The following SRRM3 variants were observed in gnomAD, a reference collection of about 807,000 sequenced individuals.
SRRM3 encodes the protein serine/arginine repetitive matrix 3.
In SRRM3, 27 loss-of-function variants were observed where a neutral mutation model predicts 66.2. The ratio of observed to expected loss-of-function variants is 0.41; its 90% CI spans 0.30 to 0.56. The LOEUF (loss-of-function observed/expected upper bound fraction) is 0.56, where lower values mean the gene tolerates loss of function less well. Among genes scored for constraint, SRRM3 ranks in the 20% least tolerant of loss-of-function variants. SRRM3 has a pLI of 0.32. For missense variants in SRRM3, 918 were observed against 991.9 expected, an observed-to-expected ratio of 0.93 and a Z score of 1.00; for synonymous variants, 391 against 414.9, an observed-to-expected ratio of 0.94 and a Z score of 0.70.
intron 1 of SRRM3, among the ~76,000 whole-genome samples, chr7:76,232,233 G>T (rs148553768): frequency 6.6e-6 from 1 of 152,054 alleles, no homozygotes; most frequent in African/African-American, 2.4e-5. Flanking sequence ...CAACAACAGC[G>T]AGAACTCTGG....
At chr7:76,212,965 C>A (rs1182667969) in intron 1 of SRRM3, among the ~76,000 whole-genome samples, 2 of 150,782 alleles carry the variant, frequency 1.3e-5, no homozygotes, top group African/African-American at 4.9e-5. Flanking sequence ...CTCGAGGGCC[C>A]GGTGCTGCTT....
intron 2 of SRRM3, among the ~76,000 whole-genome samples, chr7:76,243,425 C>T (rs1044934413): frequency 3.9e-5 from 6 of 152,068 alleles, no homozygotes; most frequent in Admixed American, 6.6e-5. Flanking sequence ...AACAAGATAC[C>T]CTGGGGCACA....
chr7:76,285,729 C>T lies in SRRM3; in HGVS notation c.1848C>T (p.Ser616=), dbSNP rs1554612700. 1 of 1,550,646 alleles carries T rather than the reference C, an allele frequency of 6.4e-7. No individual in the cohort carries two copies. The highest frequency in any genetic ancestry group is 8.7e-7 in the Non-Finnish European group (1 of 1,146,770). Residue 616 remains serine (S), a synonymous_variant, in exon 15 of 15, where the codon AGC becomes AGT. Coordinates refer to ENST00000611745, the MANE Select transcript of SRRM3 (RefSeq NM_001110199.3). The surrounding 1 kb of genome is among the most constrained non-coding windows in gnomAD (Gnocchi z 4.1). ...GCCGCAGCCCCAGCCCCGGCCACAG[C>T]CACGGGAGCTACAGCAGTCGCAGCC... ...SHSRSPSPGH[S]HGSYSSRSHG...
At chr7:76,261,263 A>G in intron 6 of SRRM3, 89 bp from the exon 7 acceptor site, 2 of 852,762 alleles carry the variant, frequency 2.3e-6, no homozygotes, top group South Asian at 1.7e-5. Context: ...TTCCAGCTTC[A>G]ATGTCCCAAG....
chr7:76,281,312 T>TTCTGTC lies in SRRM3; in HGVS notation c.1009-113_1009-108dup, dbSNP rs1305532006. ...GTCTCTGTCTCTCCCTCTTTCCTCT[T>TTCTGTC]TCTGTCTCTGTCTCTGTCTCTTTCT... On this transcript the variant is annotated intron_variant, in intron 11 of 14. Coordinates refer to ENST00000611745, the MANE Select transcript of SRRM3 (RefSeq NM_001110199.3). 1.3e-5 allele frequency: 8 copies of TTCTGTC among 608,764 alleles called. No homozygotes were observed. The African/African-American group carries it at 1.6e-4, about 12-fold the overall frequency. The allele number at this position is 608,764 out of a possible 1,614,324, so 37.7% of individuals were successfully genotyped here.
At chr7:76,276,461 A>G (rs1461542691) in intron 11 of SRRM3, among the ~76,000 whole-genome samples, 1 of 152,150 alleles carries the variant, frequency 6.6e-6, no homozygotes, top group Non-Finnish European at 1.5e-5. Flanking sequence ...GGAAGGAACC[A>G]GGTTCTATGG....
intron 11 of SRRM3, among the ~76,000 whole-genome samples, chr7:76,277,628 G>A (rs943963041): frequency 4.6e-5 from 7 of 151,440 alleles, no homozygotes; most frequent in Non-Finnish European, 8.8e-5. Context: ...AACCTGGCAG[G>A]TGGAGGTTAC....
At position 76,211,819 on chromosome 7, in the gene SRRM3, T is replaced by C. The variant is rs781870710; in HGVS notation, c.-40+9752T>C. Among the ~76,000 whole-genome samples, 904 of 91,492 alleles carry C rather than the reference T, an allele frequency of 9.9e-3. 5 individuals carry two copies. The highest frequency in any genetic ancestry group is 0.054 in the African/African-American group (686 of 12,798). The allele number at this position is 91,492 out of a possible 152,430, so 60.0% of individuals were successfully genotyped here. On this transcript the variant is annotated intron_variant, in intron 1 of 14. Coordinates refer to ENST00000611745, the MANE Select transcript of SRRM3 (RefSeq NM_001110199.3). ...TTTATTATTATTACTATTACTACTA[T>C]TATTATTATTATTATTATTATTATT...
intron 11 of SRRM3, among the ~76,000 whole-genome samples, chr7:76,276,361 TGA>T (rs1320339082): frequency 1.3e-5 from 2 of 151,884 alleles, no homozygotes; most frequent in African/African-American, 4.8e-5. Context: ...CTGAGCATGA[TGA>T]GAGGGGAAAA....
At chr7:76,264,572 G>C (rs1211279272) in intron 8 of SRRM3, among the ~76,000 whole-genome samples, 193 bp from the exon 9 acceptor site, 1 of 152,190 alleles carries the variant, frequency 6.6e-6, no homozygotes, top group Non-Finnish European at 1.5e-5. Flanking sequence ...TCCAGGAGGA[G>C]GAAGGCCGGA....
At chr7:76,270,159 G>A (rs782431513) in intron 11 of SRRM3, among the ~76,000 whole-genome samples, 4 of 152,164 alleles carry the variant, frequency 2.6e-5, no homozygotes, top group African/African-American at 7.2e-5. Context: ...CCCAGGGAGG[G>A]GAAGAGACTT....
chr7:76,214,057 C>T (rs973779853), intron 1 of SRRM3, among the ~76,000 whole-genome samples: 18 of 152,060 alleles, frequency 1.2e-4, no homozygotes, highest in Admixed American at 2.0e-4. Flanking sequence ...GGATTACAGG[C>T]GTGAACCACT....
chr7:76,249,309 C>T (rs1221176703), intron 3 of SRRM3, among the ~76,000 whole-genome samples: 1 of 151,900 alleles, frequency 6.6e-6, no homozygotes, highest in Non-Finnish European at 1.5e-5. Flanking sequence ...TCACTTGAAC[C>T]TGGAAGGCGG....
chr7:76,266,554 A>T (rs1802057730), intron 10 of SRRM3, among the ~76,000 whole-genome samples: 2 of 115,114 alleles, frequency 1.7e-5, no homozygotes, highest in Admixed American at 1.2e-4. Flanking sequence ...TTTATATATT[A>T]AATATATAAT....
rs58369922 is a variant in SRRM3 at position 76,234,194 on chromosome 7, A to AGTGTGT, written c.-39-809_-39-804dup. Among the ~76,000 whole-genome samples the AGTGTGT allele has an allele frequency of 7.3e-3, 1,037 of 141,154 alleles. 17 individuals carry two copies. Among genetic ancestry groups the AGTGTGT allele is most frequent in the African/African-American group, 0.025 (962 of 38,770 alleles). 92.6% of individuals were successfully genotyped at this position (141,154 alleles called of 152,430 possible). A position where few individuals can be genotyped will look rare whatever the true frequency, so the allele number is the denominator to read the frequency against. ...CCTCTGTTAAGATAGAAGTCCTTGG[A>AGTGTGT]GTGTGTGTGTGTGTGTGTGTGTGTG... On this transcript the variant is annotated intron_variant, in intron 1 of 14. Transcript: ENST00000611745.
At chr7:76,207,817 C>A (rs1476409423) in intron 1 of SRRM3, among the ~76,000 whole-genome samples, 4 of 151,736 alleles carry the variant, frequency 2.6e-5, no homozygotes, top group Non-Finnish European at 4.4e-5. Context: ...TTCAAGGCTG[C>A]AGTGAGCTGA....
At chr7:76,265,018 G>C (rs1187339369) in intron 9 of SRRM3, among the ~76,000 whole-genome samples, 1 of 151,956 alleles carries the variant, frequency 6.6e-6, no homozygotes, top group Admixed American at 6.6e-5. Flanking sequence ...TCCAATCCAG[G>C]GTCCTCCCAA....
Position 76,229,719 on chromosome 7 carries a change from G to A in SRRM3, c.-39-5309G>A, listed in dbSNP as rs141336086. ...AGAATGTGGCACTTTTCACTATCCT[G>A]TTTCACTTTCTTCTTCTTCTTCTTT... On this transcript the variant is annotated intron_variant, in intron 1 of 14. Transcript: ENST00000611745. Among the ~76,000 whole-genome samples the A allele has an allele frequency of 4.1e-5, 6 of 145,566 alleles. No individual in the cohort carries two copies. The East Asian group carries it at 1.2e-3, about 29-fold the overall frequency.
chr7:76,220,093 C>T (rs546481497), intron 1 of SRRM3, among the ~76,000 whole-genome samples: 1 of 152,186 alleles, frequency 6.6e-6, no homozygotes, highest in Non-Finnish European at 1.5e-5. Context: ...AGTGAGCTCC[C>T]ATCGGTGCAA....
Sources: gnomAD v4.1 joint callset for allele counts (sites outside exome capture counted in the v4.1 genomes callset) on GRCh38, gnomAD v4.1.1 for gene constraint, Gnocchi (gnomAD v3.1) non-coding constraint, MANE v1.5 for transcripts, NCBI Gene and HGNC (gene_info 2026-07-23, HGNC 2026-07-21) for gene names.